The following NBPF12 variants were observed in gnomAD, a reference collection of about 807,000 sequenced individuals.
NBPF12 encodes NBPF member 12, also known as NBPF family member NBPF12.
In NBPF12, 115 loss-of-function variants were observed where a neutral mutation model predicts 146.4. The observed-to-expected ratio is 0.79, with a 90% CI of 0.68 to 0.92. The LOEUF (loss-of-function observed/expected upper bound fraction) is 0.92. Among genes scored for constraint, NBPF12 ranks in the 40% least tolerant of loss-of-function variants. The pLI, the probability that NBPF12 is intolerant of heterozygous loss-of-function variation, is 0.00. For synonymous variants in NBPF12, 385 were observed against 508.9 expected (o/e 0.76, Z 3.28); for missense variants, 1,205 against 1,326.8 (o/e 0.91, Z 1.43).
intron 2 of NBPF12, among the ~76,000 whole-genome samples, chr1:146,954,989 TATATATATATATATATATATATATAC>T (rs1655514260): frequency 1.7e-5 from 1 of 59,966 alleles, no homozygotes; most frequent in African/African-American, 7.5e-5. Context: ...TATATATATA[TATATATATATATATATATATATATAC>T]ACACACACAC....
intron 2 of NBPF12, among the ~76,000 whole-genome samples, chr1:146,952,607 G>A (rs1166492891): frequency 4.7e-5 from 7 of 149,206 alleles, no homozygotes; most frequent in South Asian, 2.2e-4. Context: ...GTCACCTAGC[G>A]TTATTAGCTA....
chr1:146,951,132 A>C (rs1355597648), intron 1 of NBPF12, among the ~76,000 whole-genome samples: 1 of 152,012 alleles, frequency 6.6e-6, no homozygotes, highest in African/African-American at 2.4e-5. Flanking sequence ...GGACATGAGC[A>C]TGGGATACCT....
intron 1 of NBPF12, among the ~76,000 whole-genome samples, chr1:146,940,158 T>C (rs1654733164): frequency 6.6e-6 from 1 of 152,094 alleles, no homozygotes; most frequent in African/African-American, 2.4e-5. Flanking sequence ...GCTTTCTTTT[T>C]GTTTTTGAAT....
intron 2 of NBPF12, among the ~76,000 whole-genome samples, chr1:146,958,066 C>T (rs1386030836): frequency 8.5e-6 from 1 of 117,968 alleles, no homozygotes; most frequent in African/African-American, 3.0e-5. Context: ...CACACGTGTG[C>T]CATGTTGGTT....
intron 2 of NBPF12, among the ~76,000 whole-genome samples, chr1:146,943,940 C>T (rs1654911515): frequency 7.0e-6 from 1 of 142,162 alleles, no homozygotes; most frequent in Admixed American, 7.1e-5. Flanking sequence ...CTTCAGCTTT[C>T]ATGGCTCACC....
intron 4 of NBPF12, among the ~76,000 whole-genome samples, chr1:146,961,745 A>G (rs1459253899): frequency 3.3e-5 from 5 of 151,828 alleles, no homozygotes; most frequent in Non-Finnish European, 7.4e-5. Context: ...ATACCCAGTA[A>G]AAGGGAAACC....
intron 1 of NBPF12, among the ~76,000 whole-genome samples, chr1:146,941,353 G>A (rs1220248627): frequency 2.0e-5 from 3 of 151,626 alleles, no homozygotes; most frequent in African/African-American, 7.3e-5. Flanking sequence ...CCAAAGTGTT[G>A]GGATTATAGG....
intron 12 of NBPF12, 146 bp downstream of exon 15, chr1:146,970,865 G>T (rs1445860780): frequency 4.1e-6 from 4 of 985,148 alleles, no homozygotes; most frequent in Non-Finnish European, 6.5e-6. Flanking sequence ...TAGACACAGG[G>T]TGTGGCAGCT....
chr1:146,939,657 A>G (rs1365946725), intron 1 of NBPF12, among the ~76,000 whole-genome samples: 2 of 151,906 alleles, frequency 1.3e-5, no homozygotes, highest in East Asian at 3.9e-4. Flanking sequence ...GCGTCCTTTC[A>G]CCCAAGAGTT....
intron 1 of NBPF12, among the ~76,000 whole-genome samples, chr1:146,949,900 C>G (rs1655251654): frequency 1.3e-5 from 2 of 152,004 alleles, no homozygotes; most frequent in Admixed American, 1.3e-4. Context: ...CCCACCTTCT[C>G]TGACTTCATC....
At chr1:146,953,392 G>A (rs1376903083) in intron 2 of NBPF12, among the ~76,000 whole-genome samples, 7 of 139,924 alleles carry the variant, frequency 5.0e-5, no homozygotes, top group East Asian at 2.2e-4. Context: ...TTCTTGACTG[G>A]GGGGAGATTG....
intron 14 of NBPF12, among the ~76,000 whole-genome samples, chr1:146,973,659 G>T (rs1423372850): frequency 6.7e-6 from 1 of 148,956 alleles, no homozygotes; most frequent in African/African-American, 2.5e-5. Context: ...ATGGTGGCAG[G>T]TGACTGTAAT....
chr1:146,971,112 G>T (rs1656583364), intron 12 of NBPF12, 71 bp from the exon 16 acceptor site: 3 of 1,605,838 alleles, frequency 1.9e-6, no homozygotes, highest in African/African-American at 1.4e-5. Flanking sequence ...GTCAAAACCA[G>T]CTAGGACTCC....
intron 18 of NBPF12, among the ~76,000 whole-genome samples, chr1:146,978,100 T>C (rs1657163233): frequency 6.6e-6 from 1 of 151,616 alleles, no homozygotes; most frequent in Admixed American, 6.6e-5. Context: ...CATCTGGATC[T>C]CCTTTAAGTC....
upstream of NBPF12, among the ~76,000 whole-genome samples, chr1:146,945,482 G>C (rs1655010572): frequency 6.6e-6 from 1 of 151,916 alleles, no homozygotes; most frequent in African/African-American, 2.4e-5. Flanking sequence ...GGGCACCCCA[G>C]GGTTAGAGGT....
chr1:146,994,575 A>T (rs112665386), exon 34 of NBPF12: 1 of 1,609,064 alleles, frequency 6.2e-7, no homozygotes, highest in Non-Finnish European at 8.5e-7. Context: ...TCCCACAATA[A>T]GCAGCCCTTA....
chr1:146,968,571 C>G lies in NBPF12; in HGVS notation c.1091+21C>G, dbSNP rs1553885924. The G allele has an allele frequency of 9.3e-5, 146 of 1,568,796 alleles. 1 individual carries two copies. In the African/African-American group the frequency reaches 1.5e-3, roughly 16 times the overall value. On this transcript the variant is annotated intron_variant, in intron 10 of 33. Transcript: ENST00000617844. ...CTCAGGTGAGGGGACCCCATGGGGG[C>G]AGGCAGGGGGGCAGGTGTGTAAATC...
At chr1:146,971,661 G>A (rs1210558395) in intron 13 of NBPF12, among the ~76,000 whole-genome samples, 4 of 150,152 alleles carry the variant, frequency 2.7e-5, no homozygotes, top group East Asian at 2.0e-4. Context: ...ATGGTGCTGC[G>A]TGCCTATAGT....
chr1:146,941,775 A>G (rs1471420160), intron 1 of NBPF12, among the ~76,000 whole-genome samples: 21 of 141,274 alleles, frequency 1.5e-4, no homozygotes, highest in East Asian at 1.0e-3. Context: ...AAAAAAAAAA[A>G]AAAGAAAGAA....
Sources: allele counts gnomAD v4.1 joint callset (sites outside exome capture counted in the v4.1 genomes callset), GRCh38; gene constraint gnomAD v4.1.1; transcripts MANE v1.5; gene names NCBI Gene and HGNC (gene_info 2026-07-23, HGNC 2026-07-21).